RHPN2: variants seen among roughly 807,000 people sequenced by gnomAD.
The protein encoded by RHPN2 is rhophilin-2.
A neutral mutation model predicts 79.0 loss-of-function variants in RHPN2; 40 were observed. That is an observed-to-expected ratio of 0.51 (90% confidence interval 0.39 to 0.66). The LOEUF is 0.66. RHPN2 is among the 30% of genes least tolerant of loss of function. The probability of loss-of-function intolerance (pLI) is 0.00; values close to 1 mark genes in which losing one functional copy is unlikely to be tolerated. For missense variants in RHPN2, 686 were observed against 883.5 expected, an observed-to-expected ratio of 0.78 and a Z score of 2.83; for synonymous variants, 285 against 363.5, an observed-to-expected ratio of 0.78 and a Z score of 2.46.
chr19:33,036,988 C>T (rs888241258), intron 2 of RHPN2, among the ~76,000 whole-genome samples: 5 of 152,160 alleles, frequency 3.3e-5, no homozygotes, highest in Admixed American at 6.5e-5. Flanking sequence ...CGAGTGCGGG[C>T]GCAGGGCGCC....
intron 1 of RHPN2, among the ~76,000 whole-genome samples, chr19:33,045,902 C>T (rs969362446): frequency 6.6e-6 from 1 of 152,192 alleles, no homozygotes; most frequent in African/African-American, 2.4e-5. Flanking sequence ...TCTGTCTTTA[C>T]AGGTTTGCTT....
chr19:33,045,777 A>C (rs12462426), intron 1 of RHPN2, among the ~76,000 whole-genome samples: 39,249 of 151,940 alleles, frequency 0.26, 5,288 homozygotes, highest in South Asian at 0.53. Flanking sequence ...CCCATCAACC[A>C]CTATCTGATT....
At chr19:33,056,866 T>C (rs2145272611) in intron 1 of RHPN2, among the ~76,000 whole-genome samples, 1 of 151,514 alleles carries the variant, frequency 6.6e-6, no homozygotes, top group Middle Eastern at 3.4e-3. Context: ...TCCCAGCACT[T>C]TGGGAAGCCG....
intron 4 of RHPN2, among the ~76,000 whole-genome samples, chr19:33,018,309 A>G (rs1971894396): frequency 1.3e-5 from 2 of 152,146 alleles, no homozygotes; most frequent in South Asian, 2.1e-4. Context: ...AGCCTGGGCA[A>G]CAGAGTGAGA....
intron 1 of RHPN2, among the ~76,000 whole-genome samples, chr19:33,048,390 C>T (rs1192202222): frequency 5.9e-5 from 9 of 151,372 alleles, no homozygotes; most frequent in Non-Finnish European, 2.9e-5. Context: ...TCGTTTAAAG[C>T]ATTAAACGGT....
chr19:33,050,031 G>T (rs560511830), intron 1 of RHPN2, among the ~76,000 whole-genome samples: 1 of 152,226 alleles, frequency 6.6e-6, no homozygotes, highest in South Asian at 2.1e-4. Context: ...GGGGGGCAGG[G>T]GTGTGTGTGT....
chr19:33,064,675 C>A (rs922474588), intron 1 of RHPN2, 109 bp downstream of exon 1: 3 of 1,207,156 alleles, frequency 2.5e-6, no homozygotes, highest in Non-Finnish European at 3.4e-6. Context: ...CCCCCTCCCC[C>A]TCCCGGCCTA....
intron 2 of RHPN2, among the ~76,000 whole-genome samples, chr19:33,041,737 A>G (rs1445958816): frequency 6.6e-6 from 1 of 152,192 alleles, no homozygotes; most frequent in Non-Finnish European, 1.5e-5. Flanking sequence ...TATGATATTC[A>G]GAGTTCATTA....
intron 12 of RHPN2, 135 bp from the exon 13 acceptor site, chr19:32,992,104 T>A (rs1327218838): frequency 9.0e-6 from 8 of 884,460 alleles, no homozygotes; most frequent in Non-Finnish European, 1.5e-5. Flanking sequence ...TCTGGGGGCA[T>A]ACATGCTACA....
intron 2 of RHPN2, among the ~76,000 whole-genome samples, chr19:33,031,249 T>TATTCA (rs1419391205): frequency 6.6e-6 from 1 of 151,822 alleles, no homozygotes; most frequent in Non-Finnish European, 1.5e-5. Flanking sequence ...TATTCTATTC[T>TATTCA]ATTCTACTCT....
intron 4 of RHPN2, among the ~76,000 whole-genome samples, chr19:33,018,823 T>A (rs1971898803): frequency 6.8e-6 from 1 of 147,644 alleles, no homozygotes; most frequent in African/African-American, 2.5e-5. Context: ...GGCGGGTGGA[T>A]CGAGTTTGAG....
chr19:33,053,456 C>A (rs142039097), intron 1 of RHPN2, among the ~76,000 whole-genome samples: 2,140 of 148,016 alleles, frequency 0.014, 56 homozygotes, highest in African/African-American at 0.051. Flanking sequence ...TGGAGTCTCG[C>A]TCTCTTGCCC....
intron 2 of RHPN2, among the ~76,000 whole-genome samples, chr19:33,029,120 AC>A (rs1413678695): frequency 1.3e-5 from 2 of 152,062 alleles, no homozygotes; most frequent in African/African-American, 4.8e-5. Context: ...AGCCTGGGCA[AC>A]AAGAGCAAAA....
chr19:33,017,350 C>T (rs374668146), intron 4 of RHPN2, among the ~76,000 whole-genome samples: 9 of 150,726 alleles, frequency 6.0e-5, no homozygotes, highest in East Asian at 2.0e-4. Context: ...CTCCAGCCTG[C>T]GCAACAAGAG....
chr19:33,023,750 A>G (rs1971943632), intron 3 of RHPN2, among the ~76,000 whole-genome samples: 1 of 147,240 alleles, frequency 6.8e-6, no homozygotes. Context: ...GTGCCACTGC[A>G]CTCCAGCCTG....
At chr19:33,036,304 G>T (rs1972055319) in intron 2 of RHPN2, among the ~76,000 whole-genome samples, 1 of 151,444 alleles carries the variant, frequency 6.6e-6, no homozygotes, top group Non-Finnish European at 1.5e-5. Context: ...TTCAACACCA[G>T]CCTGGGCAAT....
intron 2 of RHPN2, among the ~76,000 whole-genome samples, chr19:33,042,796 A>G (rs1354517207): frequency 6.6e-6 from 1 of 152,098 alleles, no homozygotes; most frequent in Non-Finnish European, 1.5e-5. Flanking sequence ...TCAGTCGGGC[A>G]TTGGCCAGGC....
At chr19:33,011,824 G>C in intron 5 of RHPN2, 21 bp from the exon 6 acceptor site, 2 of 1,613,924 alleles carry the variant, frequency 1.2e-6, no homozygotes, top group Non-Finnish European at 1.7e-6. Flanking sequence ...AAGAACCCAA[G>C]AGGGCATGAG....
chr19:33,032,404 C>T (rs765027085), intron 2 of RHPN2, among the ~76,000 whole-genome samples: 8 of 152,184 alleles, frequency 5.3e-5, no homozygotes, highest in African/African-American at 9.7e-5. Context: ...GCCTCTCTCC[C>T]TTCTCCAGAG....
Sources: gnomAD v4.1 joint callset for allele counts (sites outside exome capture counted in the v4.1 genomes callset) on GRCh38, gnomAD v4.1.1 for gene constraint, MANE v1.5 for transcripts, NCBI Gene and HGNC (gene_info 2026-07-23, HGNC 2026-07-21) for gene names.